The following GLIS3 variants were observed in gnomAD, a reference collection of about 807,000 sequenced individuals.
GLIS3 encodes zinc finger protein GLIS3.
Under a neutral mutation model 78.6 loss-of-function variants are expected in GLIS3, and 53 were observed. The observed-to-expected ratio is 0.67, with a 90% CI of 0.54 to 0.85. GLIS3 has a LOEUF of 0.85. Ranked by LOEUF, GLIS3 falls within the 40% of genes least tolerant of loss-of-function variation. GLIS3 has a pLI of 0.00. For synonymous variants in GLIS3, 684 were observed against 509.9 expected, an observed-to-expected ratio of 1.34 and a Z score of -4.60; for missense variants, 1,703 against 1,231.1, an observed-to-expected ratio of 1.38 and a Z score of -5.74.
Position 3,829,344 on chromosome 9 carries a change from G to A in GLIS3, c.2622C>T (p.Phe874=), listed in dbSNP as rs1034184453. ...CCGAGTGAGTCGAGAAGGCTCTGTG[G>A]AAAACATCAAAACTGGCCTGGCCCA... The part of the protein sequence containing the change: ...TSMGQASFDV[F]HRAFSTHSGI... Residue 874 remains phenylalanine (F), a synonymous_variant, in exon 10 of 11, where the codon TTC becomes TTT. Transcript: ENST00000381971. 1.9e-6 allele frequency: 3 copies of A among 1,614,084 alleles called. No homozygotes were observed. The African/African-American group carries it at 4.0e-5, about 22-fold the overall frequency.
intron 2 of GLIS3, among the ~76,000 whole-genome samples, chr9:4,215,416 C>G (rs1284009414): frequency 6.6e-6 from 1 of 152,002 alleles, no homozygotes; most frequent in Non-Finnish European, 1.5e-5. Flanking sequence ...GGAAGTTCCC[C>G]TCTTTTTAAA....
chr9:3,920,598 T>C (rs1048446916), intron 6 of GLIS3, among the ~76,000 whole-genome samples: 4 of 137,948 alleles, frequency 2.9e-5, no homozygotes, highest in South Asian at 2.4e-4. Flanking sequence ...TTTTTGAATA[T>C]AAAAGAACAG....
chr9:4,264,553 G>A (rs1825814820), intron 2 of GLIS3, among the ~76,000 whole-genome samples: 1 of 152,024 alleles, frequency 6.6e-6, no homozygotes, highest in African/African-American at 2.4e-5. Context: ...AAATGACCTG[G>A]CTGTACCTCA....
chr9:4,451,913 G>A, the GLIS3 span, among the ~76,000 whole-genome samples: 1 of 142,506 alleles, frequency 7.0e-6, no homozygotes, highest in Non-Finnish European at 1.5e-5. Context: ...ACCTAAAACT[G>A]ACATCCTCAA....
Position 4,148,253 on chromosome 9 carries a change from G to A in GLIS3, c.389-22312C>T, listed in dbSNP as rs575286244. 2.6e-5 allele frequency among the ~76,000 whole-genome samples: 4 copies of A among 151,980 alleles called. No individual in the cohort carries two copies. In the East Asian group the frequency reaches 7.7e-4, roughly 29 times the overall value. ...ATTCTAGATGAGATCTGGCTACATC[G>A]GTTTCCTTGCTACACTCACAGGAGT... On this transcript the variant is annotated intron_variant, in intron 2 of 10. Coordinates refer to ENST00000381971, the MANE Select transcript of GLIS3 (RefSeq NM_001042413.2).
chr9:4,033,377 C>A (rs188735466), intron 4 of GLIS3, among the ~76,000 whole-genome samples: 2 of 152,222 alleles, frequency 1.3e-5, no homozygotes, highest in Admixed American at 6.5e-5. Flanking sequence ...CAGAGAAGAC[C>A]CCAGAAGAAG....
chr9:3,893,986 C>G (rs1822639431), intron 7 of GLIS3, among the ~76,000 whole-genome samples: 1 of 152,216 alleles, frequency 6.6e-6, no homozygotes, highest in Non-Finnish European at 1.5e-5. Flanking sequence ...TCCAATCTAA[C>G]TCGGTGGACC....
At chr9:3,962,963 GAGAT>G (rs1433157096) in intron 4 of GLIS3, among the ~76,000 whole-genome samples, 3 of 146,994 alleles carry the variant, frequency 2.0e-5, no homozygotes, top group African/African-American at 7.6e-5. Context: ...GGGGGGGAGA[GAGAT>G]TTATTGAGGT....
At chr9:4,282,750 T>TAC (rs5896057) in intron 2 of GLIS3, among the ~76,000 whole-genome samples, 30,914 of 151,888 alleles carry the variant, frequency 0.2, 3,688 homozygotes, top group Non-Finnish European at 0.27. Flanking sequence ...TTTATATATA[T>TAC]ACACACACAC....
At chr9:4,323,549 T>G (rs1358419870) in intron 2 of GLIS3, among the ~76,000 whole-genome samples, 1 of 152,212 alleles carries the variant, frequency 6.6e-6, no homozygotes, top group African/African-American at 2.4e-5. Context: ...CTTCACCTAT[T>G]TAACTCCTAC....
intron 4 of GLIS3, among the ~76,000 whole-genome samples, chr9:4,045,695 A>T (rs10974298): frequency 0.22 from 33,968 of 151,928 alleles, 3,893 homozygotes; most frequent in Admixed American, 0.24. Context: ...TCCTGGCCCC[A>T]ACAGCAGATG....
chr9:4,439,682 G>T, the GLIS3 span, among the ~76,000 whole-genome samples: 1 of 152,128 alleles, frequency 6.6e-6, no homozygotes, highest in Admixed American at 6.5e-5. Context: ...TTTGGTTTTT[G>T]TTCTTTTTGA....
At chr9:4,352,904 CCA>C (rs1214784173), upstream of GLIS3, among the ~76,000 whole-genome samples, 1 of 152,148 alleles carries the variant, frequency 6.6e-6, no homozygotes, top group African/African-American at 2.4e-5. Context: ...TGGAAAAAAT[CCA>C]GTTTTCTATA....
chr9:4,249,959 G>C (rs1193366806), intron 2 of GLIS3, among the ~76,000 whole-genome samples: 1 of 152,160 alleles, frequency 6.6e-6, no homozygotes, highest in African/African-American at 2.4e-5. Context: ...TTGTATCCTA[G>C]GGATGAAGCC....
chr9:4,023,319 G>T (rs1457318268), intron 4 of GLIS3, among the ~76,000 whole-genome samples: 2 of 152,096 alleles, frequency 1.3e-5, no homozygotes. Context: ...ATTAGGCAGG[G>T]AAAGTATTCA....
the GLIS3 span, among the ~76,000 whole-genome samples, chr9:4,473,598 C>T: frequency 6.4e-4 from 97 of 152,080 alleles, 1 homozygote; most frequent in Non-Finnish European, 1.1e-3. Context: ...GATGAGAACA[C>T]ATGGACACAT....
chr9:4,194,832 G>A (rs762384056), intron 2 of GLIS3, among the ~76,000 whole-genome samples: 5 of 152,228 alleles, frequency 3.3e-5, no homozygotes, highest in African/African-American at 7.2e-5. Context: ...TTAGGGAGAC[G>A]CTTGAAGATG....
At chr9:3,982,771 A>T (rs1350720427) in intron 4 of GLIS3, among the ~76,000 whole-genome samples, 1 of 152,204 alleles carries the variant, frequency 6.6e-6, no homozygotes, top group African/African-American at 2.4e-5. Context: ...ACAGAAAAAA[A>T]GTTGGCTTGC....
chr9:4,142,958 G>T (rs1007381434), intron 2 of GLIS3, among the ~76,000 whole-genome samples: 2 of 152,058 alleles, frequency 1.3e-5, no homozygotes, highest in African/African-American at 4.8e-5. Flanking sequence ...AAATTTCACA[G>T]GTATCCGCTT....
Sources: gnomAD v4.1 joint callset for allele counts (sites outside exome capture counted in the v4.1 genomes callset) on GRCh38, gnomAD v4.1.1 for gene constraint, MANE v1.5 for transcripts, NCBI Gene and HGNC (gene_info 2026-07-23, HGNC 2026-07-21) for gene names.